The following RIMS2 variants were observed in gnomAD, a reference collection of about 807,000 sequenced individuals.
RIMS2 encodes regulating synaptic membrane exocytosis protein 2.
A neutral mutation model predicts 174.4 loss-of-function variants in RIMS2; 59 were observed. The observed-to-expected ratio is 0.34, with a 90% confidence interval of 0.27 to 0.42. RIMS2 has a LOEUF of 0.42. Ranked by LOEUF, RIMS2 falls within the 10% of genes least tolerant of loss-of-function variation. The pLI is 1.00. For missense variants in RIMS2, 1,620 were observed against 1,666.3 expected (o/e 0.97, Z 0.48); for synonymous variants, 606 against 572.5 (o/e 1.06, Z -0.84).
chr8:103,783,539 C>T (rs60997648), intron 3 of RIMS2, among the ~76,000 whole-genome samples: 8 of 151,114 alleles, frequency 5.3e-5, no homozygotes, highest in African/African-American at 1.2e-4. Context: ...TTTGTTCTTG[C>T]GATAGTTTAC....
chr8:104,244,849 C>T, intron 19 of RIMS2, 67 bp from the exon 26 acceptor site: 1 of 1,304,638 alleles, frequency 7.7e-7, no homozygotes, highest in Non-Finnish European at 1.1e-6. Flanking sequence ...ATCTCAGAGC[C>T]TTCGCTGATA....
At chr8:103,980,447 G>A (rs1298928486) in intron 16 of RIMS2, among the ~76,000 whole-genome samples, 1 of 152,168 alleles carries the variant, frequency 6.6e-6, no homozygotes, top group African/African-American at 2.4e-5. Flanking sequence ...ACTATGCTGT[G>A]GGCATTGGGC....
At chr8:103,985,794 G>A (rs534210987) in intron 16 of RIMS2, among the ~76,000 whole-genome samples, 1 of 152,080 alleles carries the variant, frequency 6.6e-6, no homozygotes, top group Non-Finnish European at 1.5e-5. Context: ...CTTCTAAAAA[G>A]AAGAAAATTC....
chr8:103,924,432 T>A (rs1257119211), intron 10 of RIMS2, among the ~76,000 whole-genome samples: 1 of 151,690 alleles, frequency 6.6e-6, no homozygotes, highest in Non-Finnish European at 1.5e-5. Flanking sequence ...TAATCCTGTC[T>A]CTATCAGCCT....
chr8:104,019,477 A>C (rs2096026105), intron 19 of RIMS2, among the ~76,000 whole-genome samples: 1 of 152,094 alleles, frequency 6.6e-6, no homozygotes, highest in African/African-American at 2.4e-5. Context: ...TATTGTACAT[A>C]AGATATATTT....
chr8:103,586,062 A>G (rs1164825711), intron 1 of RIMS2, among the ~76,000 whole-genome samples: 7 of 152,162 alleles, frequency 4.6e-5, no homozygotes, highest in Admixed American at 3.9e-4. Flanking sequence ...TTGTAAATCT[A>G]TATGCATCAA....
intron 1 of RIMS2, among the ~76,000 whole-genome samples, chr8:103,642,420 G>A (rs2096249059): frequency 6.6e-6 from 1 of 151,962 alleles, no homozygotes; most frequent in Non-Finnish European, 1.5e-5. Flanking sequence ...ATACAGTATT[G>A]CTACAGTTCC....
intron 1 of RIMS2, among the ~76,000 whole-genome samples, chr8:103,507,187 TC>T (rs1824101621): frequency 6.6e-6 from 1 of 152,126 alleles, no homozygotes; most frequent in East Asian, 1.9e-4. Flanking sequence ...TTCTCATCCT[TC>T]TGGCTTAGCT....
intron 19 of RIMS2, among the ~76,000 whole-genome samples, chr8:104,015,893 T>C (rs2095888293): frequency 6.6e-6 from 1 of 152,122 alleles, no homozygotes. Flanking sequence ...AATTTGGCTT[T>C]CTAGAAAAGA....
chr8:104,142,368 G>T (rs2098591388), intron 19 of RIMS2, among the ~76,000 whole-genome samples: 1 of 151,750 alleles, frequency 6.6e-6, no homozygotes, highest in Admixed American at 6.6e-5. Context: ...ACCCCAGGTG[G>T]TCCACCCGCC....
intron 2 of RIMS2, among the ~76,000 whole-genome samples, chr8:103,750,631 C>T (rs893062715): frequency 7.2e-5 from 11 of 152,044 alleles, no homozygotes; most frequent in African/African-American, 1.2e-4. Context: ...ATCATGGAAG[C>T]GGTTTACCCC....
intron 19 of RIMS2, among the ~76,000 whole-genome samples, chr8:104,097,927 A>G (rs538757557): frequency 6.6e-6 from 1 of 151,988 alleles, no homozygotes; most frequent in African/African-American, 2.4e-5. Context: ...AATATGAAGG[A>G]AAAAAAAATT....
chr8:103,669,597 A>T (rs572687629), intron 1 of RIMS2, among the ~76,000 whole-genome samples: 26 of 152,360 alleles, frequency 1.7e-4, no homozygotes, highest in African/African-American at 6.3e-4. Context: ...AAATACAGCC[A>T]TTCCCAATGG....
At chr8:103,625,465 A>T (rs569219307) in intron 1 of RIMS2, among the ~76,000 whole-genome samples, 1 of 152,326 alleles carries the variant, frequency 6.6e-6, no homozygotes, top group South Asian at 2.1e-4. Context: ...AATAGCATAA[A>T]ATCAAGGATA....
intron 1 of RIMS2, among the ~76,000 whole-genome samples, chr8:103,620,122 CTAA>C (rs2095601984): frequency 6.6e-6 from 1 of 152,010 alleles, no homozygotes; most frequent in Non-Finnish European, 1.5e-5. Context: ...AAACTGTTGG[CTAA>C]TAAAGTGGTT....
At chr8:103,970,071 A>AT (rs1165518223) in intron 15 of RIMS2, among the ~76,000 whole-genome samples, 7 of 152,020 alleles carry the variant, frequency 4.6e-5, no homozygotes, top group South Asian at 2.1e-4. Context: ...TTTCTTGATA[A>AT]TTTTTTTATT....
At chr8:103,669,904 C>T (rs7016905) in intron 1 of RIMS2, among the ~76,000 whole-genome samples, 26,763 of 152,190 alleles carry the variant, frequency 0.18, 2,559 homozygotes, top group African/African-American at 0.23. Flanking sequence ...AGGATGGTGG[C>T]CCTCTTCTCA....
At chr8:104,066,546 C>A (rs1057025856) in intron 19 of RIMS2, among the ~76,000 whole-genome samples, 2 of 151,958 alleles carry the variant, frequency 1.3e-5, no homozygotes, top group Admixed American at 1.3e-4. Context: ...TATTGGCTTG[C>A]CTTTGGAGAA....
At chr8:104,032,678 G>A (rs2096422992) in intron 19 of RIMS2, among the ~76,000 whole-genome samples, 2 of 151,902 alleles carry the variant, frequency 1.3e-5, no homozygotes, top group Non-Finnish European at 1.5e-5. Context: ...ACTTCAAGGG[G>A]AGTTTTACTA....
Sources: gnomAD v4.1 joint callset for allele counts (sites outside exome capture counted in the v4.1 genomes callset) on GRCh38, gnomAD v4.1.1 for gene constraint, MANE v1.5 for transcripts, NCBI Gene and HGNC (gene_info 2026-07-23, HGNC 2026-07-21) for gene names.